VIM: variants seen among roughly 807,000 people sequenced by gnomAD.
VIM encodes vimentin.
In VIM, 18 loss-of-function variants were observed where a neutral mutation model predicts 50.3. The ratio of observed to expected loss-of-function variants is 0.36; its 90% CI spans 0.25 to 0.53. The LOEUF (loss-of-function observed/expected upper bound fraction) is 0.53. Among genes scored for constraint, VIM ranks in the 20% least tolerant of loss-of-function variants. The pLI is 0.91. For missense variants in VIM, 551 were observed against 614.7 expected (o/e 0.90, Z 1.10); for synonymous variants, 245 against 248.5 (o/e 0.99, Z 0.13).
rs543289845 is a variant in VIM, at chr10:17,237,549, A to G, written c.*278A>G. ...AACTGCTTTTTTTTTTCCAGCAAGT[A>G]TCCAACCAACTTGGTTCTGCTTCAA... On this transcript the variant is annotated 3_prime_UTR_variant, in exon 10 of 10. Coordinates refer to ENST00000544301, the MANE Select transcript of VIM (RefSeq NM_003380.5). The G allele has an allele frequency of 3.6e-4, 133 of 371,338 alleles. 1 individual carries two copies. In the South Asian group the frequency reaches 3.9e-3, roughly 11 times the overall value. 23.0% of individuals were successfully genotyped at this position (371,338 alleles called of 1,614,324 possible). A position where few individuals can be genotyped will look rare whatever the true frequency, so the allele number is the denominator to read the frequency against.
chr10:17,228,974 T>G (rs889178292), intron 1 of VIM: 13 of 232,528 alleles, frequency 5.6e-5, no homozygotes, highest in African/African-American at 3.1e-4. Flanking sequence ...TCTGGTTCAG[T>G]CCCAGGCGGA....
At position 17,228,322 on chromosome 10, in the gene VIM, G is replaced by C. The variant is rs1001947317; in HGVS notation, c.-350G>C. ...AGTCCGCACATTCGAGCAAAGACAG[G>C]CTTTAGCGAGTTATTAAAAACTTAG... On this transcript the variant is annotated 5_prime_UTR_variant, in exon 1 of 10. Transcript: ENST00000544301. The C allele has an allele frequency of 1.3e-5, 2 of 152,218 alleles. No homozygotes were observed. The highest frequency in any genetic ancestry group is 2.4e-5 in the African/African-American group (1 of 41,444). The allele number at this position is 152,218 out of a possible 1,614,324, so 9.4% of individuals were successfully genotyped here.
In VIM at chr10:17,235,216, C is replaced by A; in HGVS notation, c.1056C>A (p.Ala352=). The change falls in exon 7 of 10, where the codon GCC becomes GCA. Residue 352 remains alanine, a synonymous_variant. Transcript: ENST00000544301. ...TGCGTGAAATGGAAGAGAACTTTGC[C>A]GTTGAAGCTGCTAACTACCAAGACA... ...RQMREMEENF[A]VEAANYQDTI... 1 of 1,614,170 alleles carries A rather than the reference C, an allele frequency of 6.2e-7. No individual in the cohort carries two copies. Among genetic ancestry groups the A allele is most frequent in the Non-Finnish European group, 8.5e-7 (1 of 1,180,036 alleles).
At chr10:17,236,086 T>G in intron 8 of VIM, 197 bp downstream of exon 8, 1 of 722,910 alleles carries the variant, frequency 1.4e-6, no homozygotes, top group Non-Finnish European at 2.3e-6. Context: ...TTTTTCCTTC[T>G]TCCTGCTGCA....
At chr10:17,230,502 G>T (rs1051951893) in intron 2 of VIM, 148 bp from the exon 3 acceptor site, 2 of 914,262 alleles carry the variant, frequency 2.2e-6, no homozygotes, top group African/African-American at 3.3e-5. Context: ...CCTGCCGAGG[G>T]CAGCAGGTCT....
chr10:17,236,791 A>G (rs1846896556), intron 9 of VIM, among the ~76,000 whole-genome samples: 1 of 152,184 alleles, frequency 6.6e-6, no homozygotes, highest in Non-Finnish European at 1.5e-5. Context: ...TAATACAAGC[A>G]TGTGCCATAC....
At position 17,237,376 on chromosome 10, in the gene VIM, G is replaced by A; in HGVS notation, c.*105G>A. 9.0e-7 allele frequency: 1 copy of A among 1,106,964 alleles called. No homozygotes were observed. The highest frequency in any genetic ancestry group is 1.4e-5 in the South Asian group (1 of 71,206). The allele number at this position is 1,106,964 out of a possible 1,614,324, so 68.6% of individuals were successfully genotyped here. ...AGTGCCTTTCTGCAGTTTTTCAGGA[G>A]CGCAAGATAGATTTGGAATAGGAAT... On this transcript the variant is annotated 3_prime_UTR_variant, in exon 10 of 10. Coordinates refer to ENST00000544301, the MANE Select transcript of VIM (RefSeq NM_003380.5).
chr10:17,233,293 C>T, intron 3 of VIM: 1 of 394,730 alleles, frequency 2.5e-6, no homozygotes, highest in South Asian at 2.3e-5. Context: ...TGGATTCAGT[C>T]ATGATTGAGT....
chr10:17,228,750 G>A (rs1846724224), intron 1 of VIM: 2 of 153,034 alleles, frequency 1.3e-5, no homozygotes, highest in South Asian at 4.0e-4. Context: ...GCTGCGGCGA[G>A]GCCTGAGCCC....
At chr10:17,231,893 G>T (rs1325598030) in intron 3 of VIM, among the ~76,000 whole-genome samples, 1 of 151,746 alleles carries the variant, frequency 6.6e-6, no homozygotes, top group South Asian at 2.1e-4. Context: ...ATATTTACTG[G>T]GATTAACTGC....
intron 3 of VIM, 146 bp downstream of exon 3, chr10:17,230,856 G>A: frequency 1.2e-6 from 1 of 819,068 alleles, no homozygotes; most frequent in Non-Finnish European, 2.0e-6. Flanking sequence ...AAGACCACAG[G>A]TTGGAGCTTC....
chr10:17,235,682 C>T, intron 7 of VIM, 164 bp from the exon 8 acceptor site: 1 of 766,328 alleles, frequency 1.3e-6, no homozygotes, highest in Non-Finnish European at 2.2e-6. Flanking sequence ...TTTAAATGTA[C>T]TAACAAGACC....
In VIM at chr10:17,229,824, G is replaced by C. The variant is rs1045526760; in HGVS notation, c.402G>C (p.Glu134Asp). The C allele has an allele frequency of 2.5e-6, 4 of 1,601,880 alleles. No homozygotes were observed. In the Admixed American group the frequency reaches 6.9e-5, roughly 28 times the overall value. ...LEQQNKILLA[E>D]LEQLKGQGKS... ...AGCAGAATAAGATCCTGCTGGCCGA[G>C]CTCGAGCAGCTCAAGGGCCAAGGCA... is the stretch of plus-strand genomic sequence containing the variant. Residue 134 changes from glutamate (E) to aspartate (D), a missense_variant, in exon 2 of 10, where the codon GAG (glutamate) becomes GAC (aspartate). Coordinates refer to ENST00000544301, the MANE Select transcript of VIM (RefSeq NM_003380.5).
At chr10:17,228,995 A>T in intron 1 of VIM, 1 of 222,238 alleles carries the variant, frequency 4.5e-6, no homozygotes, top group Non-Finnish European at 9.0e-6. Flanking sequence ...CCCCCCCCTC[A>T]CCGCGCGACC....
At position 17,235,369 on chromosome 10, in the gene VIM, G is replaced by A; in HGVS notation, c.1209G>A (p.Leu403=). ...TTGAGATTGCCACCTACAGGAAGCT[G>A]CTGGAAGGCGAGGAGAGCAGGTAGG... ...LDIEIATYRK[L]LEGEESRISL... The change falls in exon 7 of 10, where the codon CTG becomes CTA. Residue 403 remains leucine (L), a synonymous_variant. Coordinates refer to ENST00000544301, the MANE Select transcript of VIM (RefSeq NM_003380.5). 6.2e-7 allele frequency: 1 copy of A among 1,614,218 alleles called. No individual in the cohort carries two copies. The highest frequency in any genetic ancestry group is 8.5e-7 in the Non-Finnish European group (1 of 1,180,046).
chr10:17,237,404 G>A lies in VIM; in HGVS notation c.*133G>A, dbSNP rs1010758891. The stretch of plus-strand genomic sequence containing the variant: ...CAAGATAGATTTGGAATAGGAATAA[G>A]CTCTAGTTCTTAACAACCGACACTC... On this transcript the variant is annotated 3_prime_UTR_variant, in exon 10 of 10. Coordinates refer to ENST00000544301, the MANE Select transcript of VIM (RefSeq NM_003380.5). The A allele has an allele frequency of 1.7e-5, 14 of 835,792 alleles. No individual in the cohort carries two copies. 51.8% of individuals were successfully genotyped at this position (835,792 alleles called of 1,614,324 possible).
At chr10:17,230,079 T>C in intron 2 of VIM, 94 bp downstream of exon 2, 1 of 1,429,916 alleles carries the variant, frequency 7.0e-7, no homozygotes, top group South Asian at 1.4e-5. Context: ...TGCCACGCCC[T>C]TGGGGATGTG....
rs532905834 is a variant in VIM, at chr10:17,229,825, C to T, written c.403C>T (p.Leu135Phe). 70 of 1,602,094 alleles carry T rather than the reference C, an allele frequency of 4.4e-5. No homozygotes were observed. The South Asian group carries it at 6.8e-4, about 16-fold the overall frequency. ...EQQNKILLAELEQLKGQGKSR... is the reference protein window; with the variant it reads ...EQQNKILLAEFEQLKGQGKSR... ...GCAGAATAAGATCCTGCTGGCCGAGCTCGAGCAGCTCAAGGGCCAAGGCAA... is the reference window on the plus strand; with the variant it reads ...GCAGAATAAGATCCTGCTGGCCGAGTTCGAGCAGCTCAAGGGCCAAGGCAA... Residue 135 changes from leucine (L) to phenylalanine (F), a missense_variant, in exon 2 of 10, where the codon CTC (leucine) becomes TTC (phenylalanine). Leu to Phe is a conservative substitution (Grantham distance 22). Coordinates refer to ENST00000544301, the MANE Select transcript of VIM (RefSeq NM_003380.5).
At chr10:17,233,012 A>G (rs1846823477) in intron 3 of VIM, among the ~76,000 whole-genome samples, 1 of 152,242 alleles carries the variant, frequency 6.6e-6, no homozygotes, top group Non-Finnish European at 1.5e-5. Context: ...CAGTGGCACT[A>G]TGTTGGCTCA....
Sources: gnomAD v4.1 joint callset for allele counts (sites outside exome capture counted in the v4.1 genomes callset) on GRCh38, gnomAD v4.1.1 for gene constraint, MANE v1.5 for transcripts, NCBI Gene and HGNC (gene_info 2026-07-23, HGNC 2026-07-21) for gene names.